The following TET1 variants were observed in gnomAD, a reference collection of about 807,000 sequenced individuals.
TET1 encodes the protein tet methylcytosine dioxygenase 1, also known as methylcytosine dioxygenase TET1.
A neutral mutation model predicts 148.7 loss-of-function variants in TET1; 13 were observed. That is an observed-to-expected ratio of 0.09 (90% CI 0.06 to 0.14). TET1 has a LOEUF of 0.14. Ranked by LOEUF, TET1 falls within the 10% of genes least tolerant of loss-of-function variation. TET1 has a pLI of 1.00. For missense variants in TET1, 2,182 were observed against 2,553.8 expected (o/e 0.85, Z 3.14); for synonymous variants, 907 against 937.2 (o/e 0.97, Z 0.59).
chr10:68,575,626 C>T (rs905091033), intron 2 of TET1, among the ~76,000 whole-genome samples: 5 of 151,808 alleles, frequency 3.3e-5, no homozygotes, highest in Admixed American at 2.6e-4. Context: ...CGCTTGAACC[C>T]GGGAGGCGGA....
chr10:68,646,395 A>G lies in TET1; in HGVS notation c.3666A>G (p.Pro1222=), dbSNP rs2054848351. ...KISSSTKIWK[P]LAQTRSIMQP... Reference sequence around the variant, plus strand: ...CTTCCTCGACCAAAATATGGAAACCACTGGCTCAAACGAGGTCCATTATGC... The same window carrying G: ...CTTCCTCGACCAAAATATGGAAACCGCTGGCTCAAACGAGGTCCATTATGC... Residue 1222 remains proline (P), a synonymous_variant, in exon 4 of 12, where the codon CCA becomes CCG. Coordinates refer to ENST00000373644, the MANE Select transcript of TET1 (RefSeq NM_030625.3). The G allele has an allele frequency of 1.9e-6, 3 of 1,614,184 alleles. No individual in the cohort carries two copies. Among genetic ancestry groups the G allele is most frequent in the Non-Finnish European group, 2.5e-6 (3 of 1,180,030 alleles).
intron 3 of TET1, among the ~76,000 whole-genome samples, chr10:68,635,772 C>T (rs1302071638): frequency 1.3e-5 from 2 of 152,118 alleles, no homozygotes; most frequent in African/African-American, 4.8e-5. Flanking sequence ...AGGCGGATCA[C>T]GTGAGCTCAG....
At chr10:68,617,630 C>G (rs1226551936) in intron 3 of TET1, among the ~76,000 whole-genome samples, 1 of 152,094 alleles carries the variant, frequency 6.6e-6, no homozygotes, top group African/African-American at 2.4e-5. Flanking sequence ...ACCACAACCT[C>G]CACCTCCCGG....
chr10:68,632,321 C>CA lies in TET1; in HGVS notation c.1969-12367dup, dbSNP rs541804648. On this transcript the variant is annotated intron_variant, in intron 3 of 11. Coordinates refer to ENST00000373644, the MANE Select transcript of TET1 (RefSeq NM_030625.3). ...TGGGTGACAGAGCCAGATTCCCTTT[C>CA]AAAAAAAAAAGAAAGGGTGCAGGGC... 8.6e-3 allele frequency: 10,157 copies of CA among 1,186,872 alleles called. 3 individuals are homozygous for CA. Among genetic ancestry groups the CA allele is most frequent in the African/African-American group, 1.0e-2 (649 of 64,992 alleles). 73.5% of individuals were successfully genotyped at this position (1,186,872 alleles called of 1,614,324 possible).
At chr10:68,583,780 G>A (rs7896907) in intron 2 of TET1, among the ~76,000 whole-genome samples, 43,329 of 151,776 alleles carry the variant, frequency 0.29, 7,620 homozygotes, top group Middle Eastern at 0.43. Flanking sequence ...GCATGATGGC[G>A]CGTGTCTGTA....
chr10:68,604,455 G>A lies in TET1; in HGVS notation c.1968+3421G>A, dbSNP rs116173894. 3.7e-3 allele frequency among the ~76,000 whole-genome samples: 568 copies of A among 152,292 alleles called. 4 individuals carry two copies. The highest frequency in any genetic ancestry group is 0.013 in the African/African-American group (539 of 41,562). ...CTATTACTAATCCTAGGCCTGAAGG[G>A]GGATGGTGAGTGGAAACCAGGTAAT... is the stretch of plus-strand genomic sequence containing the variant. On this transcript the variant is annotated intron_variant, in intron 3 of 11. Coordinates refer to ENST00000373644, the MANE Select transcript of TET1 (RefSeq NM_030625.3).
intron 7 of TET1, among the ~76,000 whole-genome samples, chr10:68,668,402 G>A (rs143833708): frequency 1.1e-4 from 17 of 152,270 alleles, no homozygotes; most frequent in Non-Finnish European, 1.9e-4. Flanking sequence ...AATATTGAGC[G>A]ATATTCGGGG....
intron 3 of TET1, among the ~76,000 whole-genome samples, chr10:68,620,162 G>A (rs920568697): frequency 6.6e-6 from 1 of 152,182 alleles, no homozygotes; most frequent in African/African-American, 2.4e-5. Flanking sequence ...CAGCTTGAGC[G>A]ACAGAGCGAG....
At chr10:68,567,715 G>C (rs972242617) in intron 1 of TET1, among the ~76,000 whole-genome samples, 6 of 150,850 alleles carry the variant, frequency 4.0e-5, no homozygotes, top group African/African-American at 1.5e-4. Context: ...TCGTGCCATT[G>C]AACTCCAGCC....
intron 2 of TET1, among the ~76,000 whole-genome samples, chr10:68,585,107 C>T (rs569271849): frequency 3.3e-5 from 5 of 152,226 alleles, no homozygotes; most frequent in South Asian, 2.1e-4. Flanking sequence ...CGGGTTCAAT[C>T]GATTCTCCTG....
At chr10:68,590,347 G>T (rs970028817) in intron 2 of TET1, among the ~76,000 whole-genome samples, 17 of 152,032 alleles carry the variant, frequency 1.1e-4, no homozygotes, top group African/African-American at 3.9e-4. Flanking sequence ...GCCCAGGCTG[G>T]TCTCAAACTC....
chr10:68,674,977 G>A (rs2055330100), intron 8 of TET1: 1 of 388,364 alleles, frequency 2.6e-6, no homozygotes, highest in South Asian at 2.3e-5. Flanking sequence ...AAGAAGCCTA[G>A]CTTTGAATTG....
rs575693409 is a variant in TET1, at chr10:68,692,933, C to G, written c.*1119C>G. The G allele has an allele frequency of 1.8e-4, 41 of 230,040 alleles. No homozygotes were observed. Among genetic ancestry groups the G allele is most frequent in the Non-Finnish European group, 3.3e-4 (38 of 116,798 alleles). The allele number at this position is 230,040 out of a possible 1,614,324, so 14.2% of individuals were successfully genotyped here. A position where few individuals can be genotyped will look rare whatever the true frequency, so the allele number is the denominator to read the frequency against. ...CAGATATTTGTACTGAAGTCTGATA[C>G]AGAATTAGAAAAAAAAAATTCTTGT... is the stretch of plus-strand genomic sequence containing the variant. On this transcript the variant is annotated 3_prime_UTR_variant, in exon 12 of 12. Transcript: ENST00000373644.
chr10:68,561,522 C>G (rs2053552730), intron 1 of TET1, among the ~76,000 whole-genome samples: 1 of 152,192 alleles, frequency 6.6e-6, no homozygotes, highest in African/African-American at 2.4e-5. Flanking sequence ...CATCAGTCCC[C>G]GTCTGGCGGG....
At chr10:68,683,785 T>A (rs2055472403) in intron 10 of TET1, among the ~76,000 whole-genome samples, 1 of 152,220 alleles carries the variant, frequency 6.6e-6, no homozygotes. Context: ...GATATTTGTT[T>A]TTGCCATCTG....
intron 2 of TET1, among the ~76,000 whole-genome samples, chr10:68,580,666 C>T (rs1474462364): frequency 6.6e-6 from 1 of 150,880 alleles, no homozygotes; most frequent in African/African-American, 2.4e-5. Flanking sequence ...CCTATAATCT[C>T]AGCTATTTGG....
At chr10:68,661,039 G>GT (rs983064622) in intron 6 of TET1, among the ~76,000 whole-genome samples, 13 of 148,744 alleles carry the variant, frequency 8.7e-5, no homozygotes, top group South Asian at 2.1e-4. Flanking sequence ...TTTTGTTTTT[G>GT]TTTTTTTTGA....
chr10:68,601,211 T>C (rs566549499), intron 3 of TET1, among the ~76,000 whole-genome samples, 177 bp downstream of exon 3: 4 of 152,224 alleles, frequency 2.6e-5, no homozygotes, highest in Non-Finnish European at 5.9e-5. Context: ...TGCTGCATAA[T>C]GTGCATATTA....
At chr10:68,581,564 A>G (rs1276417019) in intron 2 of TET1, among the ~76,000 whole-genome samples, 1 of 152,166 alleles carries the variant, frequency 6.6e-6, no homozygotes, top group East Asian at 1.9e-4. Flanking sequence ...AAAATTGGCC[A>G]TGGGGACTGG....
Sources: allele counts gnomAD v4.1 joint callset (sites outside exome capture counted in the v4.1 genomes callset), GRCh38; gene constraint gnomAD v4.1.1; transcripts MANE v1.5; gene names NCBI Gene and HGNC (gene_info 2026-07-23, HGNC 2026-07-21).